The following CNP variants were observed in gnomAD, a reference collection of about 807,000 sequenced individuals.
CNP encodes 2',3'-cyclic-nucleotide 3'-phosphodiesterase.
In CNP, 8 loss-of-function variants were observed where a neutral mutation model predicts 37.9. The observed-to-expected ratio is 0.21, with a 90% confidence interval of 0.12 to 0.38. The LOEUF is 0.38. CNP is among the 10% of genes least tolerant of loss of function. The probability of loss-of-function intolerance (pLI) is 1.00; values close to 1 mark genes in which losing one functional copy is unlikely to be tolerated. For synonymous variants in CNP, 237 were observed against 238.3 expected, an observed-to-expected ratio of 0.99 and a Z score of 0.05; for missense variants, 457 against 551.0, an observed-to-expected ratio of 0.83 and a Z score of 1.71.
In CNP at chr17:41,968,871, G is replaced by A. The variant is rs1264341728; in HGVS notation, c.676+131G>A. The A allele has an allele frequency of 7.2e-6, 8 of 1,114,332 alleles. No individual in the cohort carries two copies. Among genetic ancestry groups the A allele is most frequent in the Non-Finnish European group, 9.9e-6 (8 of 804,148 alleles). The allele number at this position is 1,114,332 out of a possible 1,614,324, so 69.0% of individuals were successfully genotyped here. ...GCAGAGAGAGGCTCACCTCAGCGGGGGCAGGGGCAAGCGGTGCGTCCCAGT... is the reference window on the plus strand; with the variant it reads ...GCAGAGAGAGGCTCACCTCAGCGGGAGCAGGGGCAAGCGGTGCGTCCCAGT... On this transcript the variant is annotated intron_variant, in intron 2 of 3. Transcript: ENST00000393892. This position sits in a 1 kb window ranked among gnomAD's most constrained non-coding sequence, Gnocchi z 4.8.
At chr17:41,969,904 G>A (rs548489218) in intron 2 of CNP, among the ~76,000 whole-genome samples, 2 of 152,142 alleles carry the variant, frequency 1.3e-5, no homozygotes, top group South Asian at 4.1e-4. Context: ...GCCCCACTCT[G>A]GTTTGTTGAC....
intron 3 of CNP, 63 bp from the exon 4 acceptor site, chr17:41,973,412 G>C: frequency 6.7e-6 from 10 of 1,497,348 alleles, no homozygotes; most frequent in Non-Finnish European, 6.4e-6. Flanking sequence ...ACCCTCCCTG[G>C]GTCAGCTGTT....
At chr17:41,967,752 T>G in intron 1 of CNP, 1 of 1,108,958 alleles carries the variant, frequency 9.0e-7, no homozygotes, top group Non-Finnish European at 1.1e-6. Flanking sequence ...AGGACGTCCT[T>G]AGTAGGTGCC....
In CNP at chr17:41,973,824, A is replaced by AG; in HGVS notation, c.1168dup (p.Val390GlyfsTer20). The AG allele has an allele frequency of 6.2e-7, 1 of 1,611,522 alleles. No homozygotes were observed. Among genetic ancestry groups the AG allele is most frequent in the South Asian group, 1.1e-5 (1 of 90,756 alleles). ...ATGCTGACCCTGGCCAAGAACATGG[A>AG]GGTCAGGGCCATCTTCACGGGGTAC... On this transcript the variant is annotated frameshift_variant, in exon 4 of 4. Coordinates refer to ENST00000393892, the MANE Select transcript of CNP (RefSeq NM_033133.5). LOFTEE classifies it high-confidence loss of function.
Position 41,976,916 on chromosome 17 carries a change from T to A in CNP, c.*2992T>A. The A allele has an allele frequency of 9.7e-7, 1 of 1,025,974 alleles. No individual in the cohort carries two copies. Among genetic ancestry groups the A allele is most frequent in the African/African-American group, 1.6e-5 (1 of 61,766 alleles). 63.6% of individuals were successfully genotyped at this position (1,025,974 alleles called of 1,614,324 possible). On this transcript the variant is annotated 3_prime_UTR_variant, in exon 4 of 4. Coordinates refer to ENST00000393892, the MANE Select transcript of CNP (RefSeq NM_033133.5). The stretch of plus-strand genomic sequence containing the variant: ...GGGTATCAAACAGCTCAGGCTGTTT[T>A]TGGGTGCAAGAGGGAGCACGTGACT...
In CNP at chr17:41,968,029, G is replaced by A. The variant is rs372471428; in HGVS notation, c.4-39G>A. ...GGGGTAAGGCCGGCGGGGAGCCCGC[G>A]AATGACCTGGGCTGACATCTCTTCC... On this transcript the variant is annotated intron_variant, in intron 1 of 3. Transcript: ENST00000393892. The surrounding 1 kb of genome is among the most constrained non-coding windows in gnomAD (Gnocchi z 4.8). 88 of 1,578,502 alleles carry A rather than the reference G, an allele frequency of 5.6e-5. No homozygotes were observed. The African/African-American group carries it at 9.9e-4, about 18-fold the overall frequency.
At chr17:41,972,097 C>G in intron 3 of CNP, 66 bp downstream of exon 3, 1 of 1,584,910 alleles carries the variant, frequency 6.3e-7, no homozygotes, top group East Asian at 2.3e-5. Context: ...GCAGCATCTT[C>G]TGAAGATAGG....
rs1317049211 is a variant in CNP at position 41,968,992 on chromosome 17, C to T, written c.676+252C>T. On this transcript the variant is annotated intron_variant, in intron 2 of 3. Transcript: ENST00000393892. This position sits in a 1 kb window ranked among gnomAD's most constrained non-coding sequence, Gnocchi z 4.8. ...CCTATCCTTCTAGCCCTCTTCTCTC[C>T]GACACCCTTTTCCCAGCCTGAATGT... 2.0e-5 allele frequency among the ~76,000 whole-genome samples: 3 copies of T among 152,118 alleles called. No homozygotes were observed. Among genetic ancestry groups the T allele is most frequent in the African/African-American group, 4.8e-5 (2 of 41,426 alleles).
In CNP at chr17:41,977,431, G is replaced by T; in HGVS notation, c.*3507G>T. 1.0e-6 allele frequency: 1 copy of T among 1,000,356 alleles called. No homozygotes were observed. Among genetic ancestry groups the T allele is most frequent in the Non-Finnish European group, 1.5e-6 (1 of 666,472 alleles). 62.0% of individuals were successfully genotyped at this position (1,000,356 alleles called of 1,614,324 possible). A position where few individuals can be genotyped will look rare whatever the true frequency, so the allele number is the denominator to read the frequency against. On this transcript the variant is annotated 3_prime_UTR_variant, in exon 4 of 4. Transcript: ENST00000393892. ...CAGATCTCCAAAGCTTTCCTGGAGA[G>T]TCTCACTCCCCTCCTTTCCCAACAC...
chr17:41,972,377 C>T (rs1436201613), intron 3 of CNP, among the ~76,000 whole-genome samples: 1 of 152,124 alleles, frequency 6.6e-6, no homozygotes, highest in Admixed American at 6.5e-5. Flanking sequence ...GAGTCCTTCG[C>T]CCCCAGGGAG....
In CNP at chr17:41,968,608, GAGA is replaced by G. The variant is rs782706213; in HGVS notation, c.547_549del (p.Lys183del). On this transcript the variant is annotated inframe_deletion, in exon 2 of 4. Coordinates refer to ENST00000393892, the MANE Select transcript of CNP (RefSeq NM_033133.5). This position sits in a 1 kb window ranked among gnomAD's most constrained non-coding sequence, Gnocchi z 4.8. ...CCTGAAGAAGCTGAAGCCTGGGCTG[GAGA>G]AGGACTTCCTGCCGCTCTACTTCGG... is the stretch of plus-strand genomic sequence containing the variant. 4 of 1,614,132 alleles carry G rather than the reference GAGA, an allele frequency of 2.5e-6. No individual in the cohort carries two copies. The highest frequency in any genetic ancestry group is 1.6e-4 in the Middle Eastern group (1 of 6,062).
intron 2 of CNP, chr17:41,971,672 A>T (rs1555643824): frequency 4.5e-6 from 2 of 446,822 alleles, no homozygotes; most frequent in Non-Finnish European, 8.0e-6. Context: ...TGCTGGGATT[A>T]CAGGTGTGAA....
At position 41,974,117 on chromosome 17, in the gene CNP, T is replaced by C; in HGVS notation, c.*193T>C. 2.2e-6 allele frequency: 1 copy of C among 455,962 alleles called. No individual in the cohort carries two copies. The highest frequency in any genetic ancestry group is 6.3e-5 in the South Asian group (1 of 15,766). The allele number at this position is 455,962 out of a possible 1,614,324, so 28.2% of individuals were successfully genotyped here. A position where few individuals can be genotyped will look rare whatever the true frequency, so the allele number is the denominator to read the frequency against. ...CCCTCTTCCCCTCTAATGCTCACGC[T>C]CCCAACACAAGGTGGGCAGGGAGGC... On this transcript the variant is annotated 3_prime_UTR_variant, in exon 4 of 4. Coordinates refer to ENST00000393892, the MANE Select transcript of CNP (RefSeq NM_033133.5).
In CNP at chr17:41,973,567, C is replaced by T. The variant is rs371108522; in HGVS notation, c.909C>T (p.Ser303=). ...PKTTGARVEL[S]EQQLQLWPSD... is the part of the protein sequence containing the mutation. ...CGACTGGGGCCCGGGTGGAGTTAAG[C>T]GAGCAGCAACTGCAGTTGTGGCCGA... is the stretch of plus-strand genomic sequence containing the variant. Residue 303 remains serine (S), a synonymous_variant, in exon 4 of 4, where the codon AGC becomes AGT. Transcript: ENST00000393892. The T allele has an allele frequency of 2.4e-4, 387 of 1,614,240 alleles. 5 individuals carry two copies. The South Asian group carries it at 2.9e-3, about 12-fold the overall frequency.
Position 41,968,677 on chromosome 17 carries a change from G to C in CNP, c.613G>C (p.Ala205Pro). The C allele has an allele frequency of 6.2e-7, 1 of 1,614,122 alleles. No individual in the cohort carries two copies. The highest frequency in any genetic ancestry group is 8.5e-7 in the Non-Finnish European group (1 of 1,180,018). The change falls in exon 2 of 4, where the codon GCC becomes CCC. Residue 205 changes from alanine (A) to proline (P), a missense_variant. Around this residue, in one of 2 missense-constraint regions of CNP, gnomAD observed 291 missense variants for 291.7 expected, o/e 1.00. Coordinates refer to ENST00000393892, the MANE Select transcript of CNP (RefSeq NM_033133.5). This position sits in a 1 kb window ranked among gnomAD's most constrained non-coding sequence, Gnocchi z 4.8. The part of the protein sequence containing the change: ...TKKSSETLRK[A>P]GQVFLEELGN... ...GAAGAGCTCTGAGACCCTCCGCAAA[G>C]CCGGCCAGGTCTTCCTGGAAGAGCT... is the stretch of plus-strand genomic sequence containing the variant.
Position 41,974,530 on chromosome 17 carries a change from ATCC to A in CNP, c.*611_*613del, listed in dbSNP as rs1174906926. On this transcript the variant is annotated 3_prime_UTR_variant, in exon 4 of 4. Coordinates refer to ENST00000393892, the MANE Select transcript of CNP (RefSeq NM_033133.5). ...AGCCTCGAACTCCTGGGCTCAAGCA[ATCC>A]TCCTGAGTGATCCCATTTCTTAATC... 3.3e-5 allele frequency: 5 copies of A among 153,426 alleles called. No individual in the cohort carries two copies. Among genetic ancestry groups the A allele is most frequent in the African/African-American group, 1.2e-4 (5 of 41,438 alleles). The allele number at this position is 153,426 out of a possible 1,614,324, so 9.5% of individuals were successfully genotyped here.
At position 41,977,238 on chromosome 17, in the gene CNP, C is replaced by G; in HGVS notation, c.*3314C>G. 1 of 1,571,520 alleles carries G rather than the reference C, an allele frequency of 6.4e-7. No homozygotes were observed. The highest frequency in any genetic ancestry group is 8.6e-7 in the Non-Finnish European group (1 of 1,158,664). On this transcript the variant is annotated 3_prime_UTR_variant, in exon 4 of 4. Coordinates refer to ENST00000393892, the MANE Select transcript of CNP (RefSeq NM_033133.5). The stretch of plus-strand genomic sequence containing the variant: ...GTGTTGGCTTGTGATCTGGGAACTC[C>G]CAAGAACAGCAGGCCCACCTACCTT...
chr17:41,972,067 A>G lies in CNP; in HGVS notation c.816+36A>G, dbSNP rs1555643914. On this transcript the variant is annotated intron_variant, in intron 3 of 3. Transcript: ENST00000393892. ...CCCAGGGACACATGGGGGAGGTGGG[A>G]GGTTGGGGGAGAAGGGGCTGCAGCA... 5 of 1,606,962 alleles carry G rather than the reference A, an allele frequency of 3.1e-6. No homozygotes were observed. The East Asian group carries it at 1.1e-4, about 36-fold the overall frequency.
At chr17:41,973,096 A>T (rs1216671480) in intron 3 of CNP, among the ~76,000 whole-genome samples, 2 of 151,912 alleles carry the variant, frequency 1.3e-5, no homozygotes, top group East Asian at 3.9e-4. Flanking sequence ...TTACCTAGTC[A>T]CTCTCATAAC....
Sources: gnomAD v4.1 joint callset for allele counts (sites outside exome capture counted in the v4.1 genomes callset) on GRCh38, gnomAD v4.1.1 for gene constraint, gnomAD v4.1.1 regional missense constraint, Gnocchi (gnomAD v3.1) non-coding constraint, MANE v1.5 for transcripts, NCBI Gene and HGNC (gene_info 2026-07-23, HGNC 2026-07-21) for gene names.